The following MRFAP1L2 variants were observed in gnomAD, a reference collection of about 807,000 sequenced individuals.
The protein encoded by MRFAP1L2 is MORF4 family-associated protein 1-like protein UPP.
the MRFAP1L2 span, chr4:6,674,292 G>A: frequency 9.5e-6 from 5 of 529,096 alleles, no homozygotes; most frequent in African/African-American, 2.0e-5. Context: ...CCCCGCGCCG[G>A]CCGCGAGAAC....
At chr4:6,674,294 C>T in the MRFAP1L2 span, 3 of 536,414 alleles carry the variant, frequency 5.6e-6, no homozygotes, top group Admixed American at 3.9e-5. Flanking sequence ...CCGCGCCGGC[C>T]GCGAGAACCT....
the MRFAP1L2 span, chr4:6,675,741 G>C: frequency 6.6e-6 from 1 of 152,192 alleles, no homozygotes; most frequent in African/African-American, 2.4e-5. Flanking sequence ...AAACAACTTT[G>C]TTATAATACA....
chr4:6,674,852 C>G, the MRFAP1L2 span: 5 of 383,426 alleles, frequency 1.3e-5, no homozygotes, highest in Non-Finnish European at 2.3e-5. Flanking sequence ...AATGTTGTTA[C>G]GAGATTGGAG....
the MRFAP1L2 span, chr4:6,674,441 C>T: frequency 1.2e-4 from 78 of 656,468 alleles, no homozygotes; most frequent in Non-Finnish European, 1.7e-4. Context: ...AGCACCCCGC[C>T]CGCGTGCGGA....
chr4:6,675,888 C>T, the MRFAP1L2 span: 3 of 152,212 alleles, frequency 2.0e-5, no homozygotes, highest in Non-Finnish European at 4.4e-5. Context: ...AGAGCCCAGA[C>T]TCCACAGAGA....
chr4:6,674,593 C>A, the MRFAP1L2 span: 2 of 613,514 alleles, frequency 3.3e-6, no homozygotes, highest in South Asian at 3.6e-5. Context: ...CCGCGCGGGT[C>A]TGGAGCGGAG....
the MRFAP1L2 span, chr4:6,674,357 C>A: frequency 1.6e-6 from 1 of 639,760 alleles, no homozygotes; most frequent in Non-Finnish European, 2.8e-6. Flanking sequence ...CCGCAGGAAG[C>A]TGCTGGAGAT....
chr4:6,674,604 C>A, the MRFAP1L2 span: 4 of 601,808 alleles, frequency 6.6e-6, no homozygotes, highest in South Asian at 1.9e-5. Context: ...TGGAGCGGAG[C>A]GCGGCGGGGA....
At chr4:6,674,362 G>T in the MRFAP1L2 span, 1 of 641,520 alleles carries the variant, frequency 1.6e-6, no homozygotes, top group South Asian at 1.6e-5. Context: ...GGAAGCTGCT[G>T]GAGATCCAGA....
At chr4:6,674,251 C>T in the MRFAP1L2 span, 7 of 425,616 alleles carry the variant, frequency 1.6e-5, no homozygotes, top group East Asian at 2.2e-4. Context: ...GGGAGCCCCG[C>T]GAGGAGCCGG....
the MRFAP1L2 span, chr4:6,675,268 G>T: frequency 6.6e-6 from 1 of 152,204 alleles, no homozygotes; most frequent in Non-Finnish European, 1.5e-5. Context: ...ACGCTGCTGC[G>T]TGGTCATATT....
chr4:6,675,752 G>A, the MRFAP1L2 span: 1 of 152,192 alleles, frequency 6.6e-6, no homozygotes, highest in Non-Finnish European at 1.5e-5. Flanking sequence ...TTATAATACA[G>A]TCTCTGCCAC....
At chr4:6,674,680 G>A in the MRFAP1L2 span, 31 of 526,786 alleles carry the variant, frequency 5.9e-5, no homozygotes, top group East Asian at 4.6e-4. Context: ...CGCTCTCCGC[G>A]GAGTTGGTTT....
At chr4:6,674,330 C>T in the MRFAP1L2 span, 50 of 627,688 alleles carry the variant, frequency 8.0e-5, no homozygotes, top group Non-Finnish European at 1.1e-4. Context: ...CGAGCGCGCC[C>T]GGGCGCACTG....
At chr4:6,675,749 A>G in the MRFAP1L2 span, 1 of 152,192 alleles carries the variant, frequency 6.6e-6, no homozygotes, top group Non-Finnish European at 1.5e-5. Flanking sequence ...TTGTTATAAT[A>G]CAGTCTCTGC....
chr4:6,675,029 G>A, the MRFAP1L2 span: 1 of 153,806 alleles, frequency 6.5e-6, no homozygotes, highest in African/African-American at 2.4e-5. Context: ...CTGATAAGGA[G>A]TCGTGGCTGC....
chr4:6,674,144 G>A, the MRFAP1L2 span: 508 of 386,484 alleles, frequency 1.3e-3, 1 homozygote, highest in Non-Finnish European at 2.0e-3. Flanking sequence ...TGGTGACAGC[G>A]AGGCTTCCGC....
the MRFAP1L2 span, chr4:6,674,415 G>C: frequency 1.4e-5 from 9 of 653,568 alleles, no homozygotes; most frequent in Non-Finnish European, 5.5e-6. Context: ...GCAGAGGAGC[G>C]GGGCGCCCGG....
the MRFAP1L2 span, chr4:6,674,638 G>C: frequency 1.8e-6 from 1 of 559,998 alleles, no homozygotes; most frequent in Non-Finnish European, 3.1e-6. Flanking sequence ...AAGGCGCTGG[G>C]TAGGCAGGGA....
Sources: allele counts gnomAD v4.1 joint callset, GRCh38; gene constraint gnomAD v4.1.1; transcripts MANE v1.5; gene names NCBI Gene and HGNC (gene_info 2026-07-23, HGNC 2026-07-21).